OAS3: variants seen among roughly 807,000 people sequenced by gnomAD.
The protein encoded by OAS3 is 2'-5'-oligoadenylate synthetase 3.
A neutral mutation model predicts 113.0 loss-of-function variants in OAS3; 107 were observed. That is an observed-to-expected ratio of 0.95 (90% confidence interval 0.81 to 1.11). The LOEUF is 1.11. Ranked by LOEUF, OAS3 falls within the 50% of genes most tolerant of loss-of-function variation. OAS3 has a pLI of 0.00. For missense variants in OAS3, 1,258 were observed against 1,389.1 expected, an observed-to-expected ratio of 0.91 and a Z score of 1.50; for synonymous variants, 552 against 573.6, an observed-to-expected ratio of 0.96 and a Z score of 0.54.
rs1034974579 is a variant in OAS3, at chr12:112,948,103, A to G, written c.1029+4A>G. 1.6e-5 allele frequency: 24 copies of G among 1,520,266 alleles called. No homozygotes were observed. The highest frequency in any genetic ancestry group is 2.1e-5 in the Non-Finnish European group (24 of 1,135,902). The allele number at this position is 1,520,266 out of a possible 1,614,324, so 94.2% of individuals were successfully genotyped here. A position where few individuals can be genotyped will look rare whatever the true frequency, so the allele number is the denominator to read the frequency against. On this transcript the variant is annotated splice_donor_region_variant and intron_variant, in intron 5 of 15. Transcript: ENST00000228928. ...AGTGCAGTCTTGGAAGGGGCCGGTA[A>G]GTGAGGGGGCCCCAGGACCCTTGGG...
Position 112,946,742 on chromosome 12 carries a change from G to T in OAS3, c.637-1G>T, listed in dbSNP as rs775046300. ...AGTCCCCTGCCGATGCCCTCTCACA[G>T]GTGTGCCTACAGGGGTTGTGGAAGG... is the stretch of plus-strand genomic sequence containing the variant. On this transcript the variant is annotated splice_acceptor_variant, in intron 3 of 15. Transcript: ENST00000228928. LOFTEE classifies it high-confidence loss of function. 10 of 1,606,146 alleles carry T rather than the reference G, an allele frequency of 6.2e-6. No homozygotes were observed. The highest frequency in any genetic ancestry group is 8.5e-6 in the Non-Finnish European group (10 of 1,176,366).
chr12:112,962,560 T>A, intron 8 of OAS3, 92 bp from the exon 9 acceptor site: 1 of 1,443,712 alleles, frequency 6.9e-7, no homozygotes, highest in Non-Finnish European at 9.5e-7. Context: ...GCGCTTCTAT[T>A]TTCTATATTC....
At position 112,972,531 on chromosome 12, in the gene OAS3, T is replaced by A. The variant is rs1014053391; in HGVS notation, c.*2558T>A. The A allele has an allele frequency of 2.0e-5, 3 of 152,228 alleles. No individual in the cohort carries two copies. The highest frequency in any genetic ancestry group is 4.4e-5 in the Non-Finnish European group (3 of 68,052). The allele number at this position is 152,228 out of a possible 1,614,324, so 9.4% of individuals were successfully genotyped here. ...ACCAGGTAAGTTGACGCTAAAGTTC[T>A]TATGGAAAAATACACACGCAATAGC... On this transcript the variant is annotated 3_prime_UTR_variant, in exon 16 of 16. Transcript: ENST00000228928.
At chr12:112,951,839 CAAAAAAAAAAAA>C (rs3038125) in intron 7 of OAS3, among the ~76,000 whole-genome samples, 4 of 105,724 alleles carry the variant, frequency 3.8e-5, no homozygotes, top group African/African-American at 7.4e-5. Flanking sequence ...ACTAAAAATA[CAAAAAAAAAAAA>C]AAAAAAAAAA....
chr12:112,949,185 A>C lies in OAS3; in HGVS notation c.1354A>C (p.Lys452Gln). The C allele has an allele frequency of 6.2e-7, 1 of 1,611,800 alleles. No individual in the cohort carries two copies. Among genetic ancestry groups the C allele is most frequent in the Non-Finnish European group, 8.5e-7 (1 of 1,179,790 alleles). ...LRCLHENCVH[K>Q]ASRVSKGGSF... ...CTGCCTCCATGAGAACTGTGTTCAC[A>C]AGGCCTCAAGAGTCAGTAAAGTGAG... Residue 452 changes from lysine (K) to glutamine (Q), a missense_variant, in exon 6 of 16, where the codon AAG becomes CAG. Lys to Gln is a moderately conservative substitution (Grantham distance 53, BLOSUM62 1). Transcript: ENST00000228928.
intron 12 of OAS3, among the ~76,000 whole-genome samples, 157 bp downstream of exon 12, chr12:112,966,186 A>G (rs908317601): frequency 6.6e-6 from 1 of 152,230 alleles, no homozygotes; most frequent in African/African-American, 2.4e-5. Flanking sequence ...CCTGCAAAGT[A>G]TCTAAAGAAG....
Position 112,967,951 on chromosome 12 carries a change from A to G in OAS3, c.2881A>G (p.Lys961Glu). ...CGTTCTCCAGTGTACCAAGATCTCC[A>G]AGGGGAGAGGCTCCCTACCCCCACA... The part of the protein sequence containing the change: ...HWYQQCTKIS[K>E]GRGSLPPQHG... Residue 961 changes from lysine (K) to glutamate (E), a missense_variant, in exon 14 of 16, where the codon AAG becomes GAG. Transcript: ENST00000228928. The G allele has an allele frequency of 6.2e-7, 1 of 1,612,942 alleles. No individual in the cohort carries two copies. The highest frequency in any genetic ancestry group is 8.5e-7 in the Non-Finnish European group (1 of 1,179,126).
intron 2 of OAS3, chr12:112,942,215 C>A: frequency 2.1e-6 from 1 of 479,588 alleles, no homozygotes; most frequent in South Asian, 4.4e-5. Flanking sequence ...AACCAGAATT[C>A]TGCAAAATCT....
chr12:112,969,737 C>T lies in OAS3; in HGVS notation c.3234C>T (p.Ile1078=). 6.2e-7 allele frequency: 1 copy of T among 1,613,056 alleles called. No individual in the cohort carries two copies. The highest frequency in any genetic ancestry group is 2.2e-5 in the East Asian group (1 of 44,876). The change falls in exon 15 of 16, where the codon ATC becomes ATT. Residue 1078 remains isoleucine, a synonymous_variant. Coordinates refer to ENST00000228928, the MANE Select transcript of OAS3 (RefSeq NM_006187.4). ...LCCMGRNGIP[I]QPWPVKAAV is the part of the protein sequence containing the mutation. Reference sequence around the variant, plus strand: ...GCATGGGACGGAATGGCATCCCCATCCAGCCATGGCCAGTGAAGGTGAGAG... The same window carrying T: ...GCATGGGACGGAATGGCATCCCCATTCAGCCATGGCCAGTGAAGGTGAGAG...
rs1555227140 is a variant in OAS3, at chr12:112,972,879, G to GGTGTGTGTGGGT, written c.*2915_*2916insGGTGTGTGTGTG. ...AGAAATGCAGGACTGCAAAGAAATTGGTGTGTGTGTGTGTGTGTGTGTGTG... is the reference window on the plus strand; with the variant it reads ...AGAAATGCAGGACTGCAAAGAAATTGGTGTGTGTGGGTGTGTGTGTGTGTGTGTGTGTGTGTG... On this transcript the variant is annotated 3_prime_UTR_variant, in exon 16 of 16. Coordinates refer to ENST00000228928, the MANE Select transcript of OAS3 (RefSeq NM_006187.4). 22 of 147,474 alleles carry GGTGTGTGTGGGT rather than the reference G, an allele frequency of 1.5e-4. No homozygotes were observed. The highest frequency in any genetic ancestry group is 6.9e-3 in the Middle Eastern group (2 of 290). The allele number at this position is 147,474 out of a possible 1,614,324, so 9.1% of individuals were successfully genotyped here.
rs2043911716 is a variant in OAS3, at chr12:112,963,979, G to A, written c.2230-256G>A. On this transcript the variant is annotated intron_variant, in intron 10 of 15. Coordinates refer to ENST00000228928, the MANE Select transcript of OAS3 (RefSeq NM_006187.4). The surrounding 1 kb of genome is among the most constrained non-coding windows in gnomAD (Gnocchi z 4.6). Reference sequence around the variant, plus strand: ...CTCATAACCAGCATTTAATACTCAGGACAATCCATTGAGACCCGGACTTCA... The same window carrying A: ...CTCATAACCAGCATTTAATACTCAGAACAATCCATTGAGACCCGGACTTCA... 6.6e-6 allele frequency among the ~76,000 whole-genome samples: 1 copy of A among 152,174 alleles called. No individual in the cohort carries two copies. The highest frequency in any genetic ancestry group is 1.5e-5 in the Non-Finnish European group (1 of 68,028).
chr12:112,968,660 G>T (rs1268125195), intron 14 of OAS3, among the ~76,000 whole-genome samples: 3 of 152,066 alleles, frequency 2.0e-5, no homozygotes, highest in Non-Finnish European at 4.4e-5. Context: ...GACCAGAGGC[G>T]CATGCCACCA....
chr12:112,970,578 CA>C lies in OAS3; in HGVS notation c.*607del, dbSNP rs1318692287. ...GATGCAGTAGAGGAAAGTGGTGGTA[CA>C]AGTGCCATGATTGATTAGCAATGTC... On this transcript the variant is annotated 3_prime_UTR_variant, in exon 16 of 16. Coordinates refer to ENST00000228928, the MANE Select transcript of OAS3 (RefSeq NM_006187.4). The C allele has an allele frequency of 6.3e-6, 1 of 158,494 alleles. No individual in the cohort carries two copies. The highest frequency in any genetic ancestry group is 6.0e-5 in the Admixed American group (1 of 16,718). 9.8% of individuals were successfully genotyped at this position (158,494 alleles called of 1,614,324 possible).
At position 112,949,214 on chromosome 12, in the gene OAS3, G is replaced by A; in HGVS notation, c.1374+9G>A. ...CCTCAAGAGTCAGTAAAGTGAGTTG[G>A]GCCAGTGGAGACACAGGGGGGACCC... On this transcript the variant is annotated intron_variant, in intron 6 of 15. Transcript: ENST00000228928. The A allele has an allele frequency of 1.3e-6, 2 of 1,573,982 alleles. No individual in the cohort carries two copies. The highest frequency in any genetic ancestry group is 1.7e-6 in the Non-Finnish European group (2 of 1,168,572).
intron 2 of OAS3, 138 bp downstream of exon 2, chr12:112,941,990 G>A (rs1328269138): frequency 2.9e-6 from 3 of 1,035,878 alleles, no homozygotes; most frequent in Non-Finnish European, 4.4e-6. Context: ...CTCAGTCTGG[G>A]GACTAAACAT....
chr12:112,947,958 G>A lies in OAS3; in HGVS notation c.888G>A (p.Leu296=). 2 of 1,597,382 alleles carry A rather than the reference G, an allele frequency of 1.3e-6. No homozygotes were observed. The highest frequency in any genetic ancestry group is 1.3e-5 in the African/African-American group (1 of 74,350). The change falls in exon 5 of 16, where the codon CTG becomes CTA. Residue 296 remains leucine (L), a synonymous_variant. Transcript: ENST00000228928. ...RQLKRPRPVI[L]DPADPTWDLG... ...TCTGAAATTGCAGGCCTGTGATCCT[G>A]GACCCAGCTGACCCCACATGGGACC...
rs141701964 is a variant in OAS3, at chr12:112,948,538, G to T, written c.1030-323G>T. Among the ~76,000 whole-genome samples the T allele has an allele frequency of 1.3e-4, 19 of 149,794 alleles. No homozygotes were observed. In the East Asian group the frequency reaches 3.7e-3, roughly 29 times the overall value. The stretch of plus-strand genomic sequence containing the variant: ...AAAAAAAAAATGCACAGGGCATCAG[G>T]CATGTAAAACAGTCTTATCACCAAG... On this transcript the variant is annotated intron_variant, in intron 5 of 15. Transcript: ENST00000228928.
intron 1 of OAS3, among the ~76,000 whole-genome samples, chr12:112,939,308 T>C (rs1289229883): frequency 3.3e-4 from 1 of 3,020 alleles, no homozygotes; most frequent in Non-Finnish European, 5.6e-4. Flanking sequence ...AGTCACATCT[T>C]TTTTTTTTTT....
Position 112,970,387 on chromosome 12 carries a change from T to G in OAS3, c.*414T>G. 4.0e-6 allele frequency: 1 copy of G among 252,582 alleles called. No homozygotes were observed. Among genetic ancestry groups the G allele is most frequent in the Non-Finnish European group, 7.7e-6 (1 of 130,064 alleles). 15.6% of individuals were successfully genotyped at this position (252,582 alleles called of 1,614,324 possible). On this transcript the variant is annotated 3_prime_UTR_variant, in exon 16 of 16. Coordinates refer to ENST00000228928, the MANE Select transcript of OAS3 (RefSeq NM_006187.4). ...ATCCCTTCCTCCCATTGGCCTCTCC[T>G]TGCCAAATCTAAATAGTTTATATAG...
Sources: gnomAD v4.1 joint callset for allele counts (sites outside exome capture counted in the v4.1 genomes callset) on GRCh38, gnomAD v4.1.1 for gene constraint, Gnocchi (gnomAD v3.1) non-coding constraint, MANE v1.5 for transcripts, NCBI Gene and HGNC (gene_info 2026-07-23, HGNC 2026-07-21) for gene names.